ASIC2: variants seen among roughly 807,000 people sequenced by gnomAD.
ASIC2 encodes the protein acid sensing ion channel subunit 2.
ASIC2 carries 25 observed loss-of-function variants against 57.3 expected under a neutral mutation model. That is an observed-to-expected ratio of 0.44 (90% confidence interval 0.32 to 0.61). The LOEUF (loss-of-function observed/expected upper bound fraction) is 0.61. ASIC2 is among the 20% of genes least tolerant of loss of function. The probability of loss-of-function intolerance (pLI) is 0.06; values close to 1 mark genes in which losing one functional copy is unlikely to be tolerated. For synonymous variants in ASIC2, 319 were observed against 307.5 expected (o/e 1.04, Z -0.39); for missense variants, 641 against 738.1 (o/e 0.87, Z 1.52).
rs1369770735 is a variant in ASIC2 at position 33,112,012 on chromosome 17, G to A, written c.764C>T (p.Pro255Leu). ...YMFNSGEDGKPLLTTVKGGTG... is the reference protein window; with the variant it reads ...YMFNSGEDGKLLLTTVKGGTG... ...CCCCCCCTTGACCGTGGTGAGCAGA[G>A]GTTTGCCATCCTCGCCTGAGTTAAA... The change falls in exon 2 of 10, where the codon CCT becomes CTT. Residue 255 changes from proline (P) to leucine (L), a missense_variant. Pro to Leu is a moderately conservative substitution (Grantham distance 98). Coordinates refer to ENST00000225823, the MANE Select transcript of ASIC2 (RefSeq NM_183377.2). 6.2e-7 allele frequency: 1 copy of A among 1,614,060 alleles called. No homozygotes were observed.
At chr17:33,087,309 T>C (rs2092138050) in intron 3 of ASIC2, among the ~76,000 whole-genome samples, 1 of 152,178 alleles carries the variant, frequency 6.6e-6, no homozygotes, top group Non-Finnish European at 1.5e-5. Context: ...GGTTTCTACC[T>C]TGCATACCCT....
At chr17:34,086,487 G>C (rs1031715272) in intron 1 of ASIC2, among the ~76,000 whole-genome samples, 1 of 151,838 alleles carries the variant, frequency 6.6e-6, no homozygotes, top group Non-Finnish European at 1.5e-5. Flanking sequence ...AATAGGTGTG[G>C]TGTGGTGCTG....
intron 1 of ASIC2, among the ~76,000 whole-genome samples, chr17:33,845,437 G>A (rs766123632): frequency 4.6e-5 from 7 of 151,460 alleles, no homozygotes; most frequent in Non-Finnish European, 1.0e-4. Flanking sequence ...GTATGCAGTG[G>A]GTGGTAAGAG....
intron 1 of ASIC2, among the ~76,000 whole-genome samples, chr17:33,496,798 A>C (rs2141938768): frequency 6.6e-6 from 1 of 151,798 alleles, no homozygotes. Flanking sequence ...TTCTATTTTT[A>C]GTAGAGACAG....
At chr17:33,889,813 G>C (rs980308182) in intron 1 of ASIC2, among the ~76,000 whole-genome samples, 5 of 152,190 alleles carry the variant, frequency 3.3e-5, no homozygotes, top group Non-Finnish European at 7.3e-5. Flanking sequence ...CCAGGTGCTG[G>C]GCTAGACCCT....
intron 1 of ASIC2, among the ~76,000 whole-genome samples, chr17:33,519,024 G>T (rs1282898305): frequency 6.6e-6 from 1 of 151,548 alleles, no homozygotes; most frequent in African/African-American, 2.4e-5. Context: ...GTTTCACCAT[G>T]TTGGCCAGGA....
chr17:33,016,158 G>A (rs961112865), intron 8 of ASIC2, 119 bp from the exon 9 acceptor site: 26 of 869,322 alleles, frequency 3.0e-5, no homozygotes, highest in African/African-American at 2.0e-4. Context: ...TGAACATACC[G>A]TAGCACAAGC....
At chr17:33,800,076 G>A (rs563090248) in intron 1 of ASIC2, among the ~76,000 whole-genome samples, 2 of 152,200 alleles carry the variant, frequency 1.3e-5, no homozygotes. Context: ...GACCTTAGCT[G>A]GTCCTCCATG....
chr17:33,116,065 G>A (rs1298685800), intron 1 of ASIC2, among the ~76,000 whole-genome samples: 1 of 152,098 alleles, frequency 6.6e-6, no homozygotes, highest in Non-Finnish European at 1.5e-5. Context: ...CTCCATGAAG[G>A]CATTAGAGGA....
At chr17:33,515,737 A>G (rs1914545959) in intron 1 of ASIC2, among the ~76,000 whole-genome samples, 1 of 152,190 alleles carries the variant, frequency 6.6e-6, no homozygotes, top group Non-Finnish European at 1.5e-5. Context: ...CTGAGGCTTC[A>G]ATAGTCCCAG....
intron 1 of ASIC2, among the ~76,000 whole-genome samples, chr17:33,403,506 A>G (rs1567849800): frequency 6.6e-6 from 1 of 152,364 alleles, no homozygotes; most frequent in East Asian, 1.9e-4. Context: ...TTACTTGCAC[A>G]GAAAAAATGT....
intron 1 of ASIC2, among the ~76,000 whole-genome samples, chr17:34,047,435 T>C (rs1239587857): frequency 6.9e-6 from 1 of 144,302 alleles, no homozygotes; most frequent in East Asian, 2.1e-4. Context: ...CTTCTAGCCA[T>C]GATTCTAATA....
chr17:33,349,924 A>C (rs551580788), intron 1 of ASIC2, among the ~76,000 whole-genome samples: 4 of 152,094 alleles, frequency 2.6e-5, no homozygotes, highest in Non-Finnish European at 5.9e-5. Flanking sequence ...TTTATGAAAA[A>C]AAAAGCCTTG....
In ASIC2 at chr17:33,657,099, C is replaced by T. The variant is rs112807141; in HGVS notation, c.555+498879G>A. Among the ~76,000 whole-genome samples, 788 of 152,278 alleles carry T rather than the reference C, an allele frequency of 5.2e-3. 5 individuals carry two copies. The highest frequency in any genetic ancestry group is 0.018 in the African/African-American group (759 of 41,562). On this transcript the variant is annotated intron_variant, in intron 1 of 9. Coordinates refer to the ASIC2 transcript ENST00000359872. ...TCTGAGATAGAAAATGCCCCTCTGG[C>T]GGCTCATGTGTGCTCTCCTGATCAC...
At chr17:33,985,782 A>G (rs1905797189) in intron 1 of ASIC2, among the ~76,000 whole-genome samples, 1 of 152,196 alleles carries the variant, frequency 6.6e-6, no homozygotes, top group Non-Finnish European at 1.5e-5. Flanking sequence ...TAAAGCTGGT[A>G]ATGTAGAAGT....
In ASIC2 at chr17:33,088,925, G is replaced by T. The variant is rs762853994; in HGVS notation, c.925C>A (p.Gln309Lys). ...GGAGCCACCCCAAAGCCCAGCTCTTGGATGAAAGGTGGCTCAGACTGACTG... is the reference window on the plus strand; with the variant it reads ...GGAGCCACCCCAAAGCCCAGCTCTTTGATGAAAGGTGGCTCAGACTGACTG... ...IHSQSEPPFIQELGFGVAPGF... is the reference protein window; with the variant it reads ...IHSQSEPPFIKELGFGVAPGF... The change falls in exon 3 of 10, where the codon CAA (glutamine) becomes AAA (lysine). Residue 309 changes from glutamine to lysine, a missense_variant. Around this residue, in one of 3 missense-constraint regions of ASIC2, gnomAD observed 252 missense variants for 319.8 expected, o/e 0.79. Transcript: ENST00000225823. 6.2e-6 allele frequency: 10 copies of T among 1,613,996 alleles called. No individual in the cohort carries two copies. The Admixed American group carries it at 8.3e-5, about 13-fold the overall frequency.
chr17:33,446,303 C>T (rs992650139), intron 1 of ASIC2, among the ~76,000 whole-genome samples: 4 of 151,910 alleles, frequency 2.6e-5, no homozygotes, highest in African/African-American at 4.8e-5. Flanking sequence ...CATAGTAATC[C>T]CTGTTACAAT....
chr17:33,781,613 C>T (rs114611750), intron 1 of ASIC2, among the ~76,000 whole-genome samples: 88 of 152,252 alleles, frequency 5.8e-4, no homozygotes, highest in African/African-American at 2.1e-3. Context: ...GGACACAGAG[C>T]GAACACAGGA....
intron 1 of ASIC2, among the ~76,000 whole-genome samples, chr17:33,440,075 G>C (rs1477044055): frequency 3.9e-5 from 6 of 152,184 alleles, no homozygotes; most frequent in Non-Finnish European, 2.9e-5. Flanking sequence ...TTTTTGCATA[G>C]TGCAATCATC....
Sources: gnomAD v4.1 joint callset for allele counts (sites outside exome capture counted in the v4.1 genomes callset) on GRCh38, gnomAD v4.1.1 for gene constraint, gnomAD v4.1.1 regional missense constraint, MANE v1.5 for transcripts, NCBI Gene and HGNC (gene_info 2026-07-23, HGNC 2026-07-21) for gene names.